RYR2: variants seen among roughly 807,000 people sequenced by gnomAD.
The protein encoded by RYR2 is ryanodine receptor 2, also known as cardiac muscle ryanodine receptor-calcium release channel.
In RYR2, 227 loss-of-function variants were observed where a neutral mutation model predicts 601.1. That is an observed-to-expected ratio of 0.38 (90% CI 0.34 to 0.42). The LOEUF (loss-of-function observed/expected upper bound fraction) is 0.42. Ranked by LOEUF, RYR2 falls within the 10% of genes least tolerant of loss-of-function variation. The probability of loss-of-function intolerance (pLI) is 1.00; values close to 1 mark genes in which losing one functional copy is unlikely to be tolerated. For synonymous variants in RYR2, 2,223 were observed against 2,175.1 expected, an observed-to-expected ratio of 1.02 and a Z score of -0.61; for missense variants, 4,646 against 6,156.5, an observed-to-expected ratio of 0.75 and a Z score of 8.21.
chr1:237,082,597 G>A (rs1665863331), intron 1 of RYR2, among the ~76,000 whole-genome samples: 2 of 136,176 alleles, frequency 1.5e-5, no homozygotes, highest in Admixed American at 1.6e-4. Context: ...GCCTCTTATA[G>A]CCGCCCCTCC....
At chr1:237,515,479 GA>G (rs1666325523) in intron 24 of RYR2, among the ~76,000 whole-genome samples, 1 of 152,110 alleles carries the variant, frequency 6.6e-6, no homozygotes, top group African/African-American at 2.4e-5. Context: ...AGGATGGGAG[GA>G]ATAGTAGGGA....
At chr1:237,427,241 A>T (rs1706265623) in intron 12 of RYR2, among the ~76,000 whole-genome samples, 1 of 152,226 alleles carries the variant, frequency 6.6e-6, no homozygotes, top group Non-Finnish European at 1.5e-5. Flanking sequence ...ACAATGAGGA[A>T]AATGAGACCA....
intron 61 of RYR2, among the ~76,000 whole-genome samples, chr1:237,678,613 T>G (rs1685603918): frequency 6.6e-6 from 1 of 152,206 alleles, no homozygotes; most frequent in Non-Finnish European, 1.5e-5. Flanking sequence ...TATTATTTAT[T>G]TTGTTTCATA....
chr1:237,548,010 T>C (rs1237108443), intron 25 of RYR2, among the ~76,000 whole-genome samples: 4 of 152,208 alleles, frequency 2.6e-5, no homozygotes, highest in African/African-American at 9.7e-5. Context: ...GATACACTGA[T>C]TTATGAAATA....
chr1:237,503,604 A>G (rs1470402124), intron 22 of RYR2, 99 bp downstream of exon 22: 1 of 1,115,302 alleles, frequency 9.0e-7, no homozygotes, highest in Non-Finnish European at 1.3e-6. Context: ...CGAATTTCAC[A>G]GTAATACAGT....
chr1:237,779,942 C>A (rs77932121), intron 88 of RYR2, among the ~76,000 whole-genome samples: 1 of 152,126 alleles, frequency 6.6e-6, no homozygotes, highest in Non-Finnish European at 1.5e-5. Flanking sequence ...TGTGATTAGA[C>A]CAGCTATGTC....
At chr1:237,697,973 A>G (rs61362937) in intron 63 of RYR2, among the ~76,000 whole-genome samples, 3,264 of 152,216 alleles carry the variant, frequency 0.021, 122 homozygotes, top group African/African-American at 0.073. Flanking sequence ...GTTCTAATAC[A>G]ATTATTAATT....
chr1:237,579,743 TC>T (rs1233746722), intron 29 of RYR2, among the ~76,000 whole-genome samples: 1 of 152,182 alleles, frequency 6.6e-6, no homozygotes, highest in Non-Finnish European at 1.5e-5. Context: ...CTAAATGTAT[TC>T]CCTTCTTCAC....
intron 17 of RYR2, among the ~76,000 whole-genome samples, chr1:237,480,703 A>C (rs1661967006): frequency 6.6e-6 from 1 of 152,110 alleles, no homozygotes; most frequent in South Asian, 2.1e-4. Context: ...GTTTTATTTC[A>C]GCTAATTTAC....
At chr1:237,313,318 G>C (rs913008983) in intron 2 of RYR2, among the ~76,000 whole-genome samples, 2 of 152,180 alleles carry the variant, frequency 1.3e-5, no homozygotes, top group Admixed American at 1.3e-4. Context: ...GGGACTTGGT[G>C]ATTAAGTTAA....
intron 1 of RYR2, among the ~76,000 whole-genome samples, chr1:237,104,820 A>T (rs1027180551): frequency 7.9e-5 from 12 of 152,206 alleles, no homozygotes; most frequent in Non-Finnish European, 2.9e-5. Flanking sequence ...TTGCAAGCAC[A>T]GTGCCTGTGC....
intron 20 of RYR2, among the ~76,000 whole-genome samples, 174 bp downstream of exon 20, chr1:237,496,926 A>C (rs1442264396): frequency 6.6e-6 from 1 of 152,180 alleles, no homozygotes; most frequent in Admixed American, 6.5e-5. Context: ...TCACTAGGGG[A>C]AAAAGAAAAT....
chr1:237,596,876 G>C (rs1231565818), intron 34 of RYR2, among the ~76,000 whole-genome samples: 2 of 152,166 alleles, frequency 1.3e-5, no homozygotes, highest in African/African-American at 4.8e-5. Flanking sequence ...AAGAACAACT[G>C]TCAGCCAAGA....
intron 6 of RYR2, among the ~76,000 whole-genome samples, chr1:237,373,972 A>G (rs1700835266): frequency 6.6e-6 from 1 of 152,232 alleles, no homozygotes; most frequent in South Asian, 2.1e-4. Flanking sequence ...ACATGAAGTG[A>G]GAGATGTACA....
intron 103 of RYR2, among the ~76,000 whole-genome samples, chr1:237,831,200 C>T (rs986628778): frequency 6.6e-6 from 1 of 152,160 alleles, no homozygotes; most frequent in Admixed American, 6.6e-5. Context: ...TAACTATACT[C>T]AGTGGAACTT....
intron 1 of RYR2, among the ~76,000 whole-genome samples, chr1:237,071,949 G>A (rs905784588): frequency 5.3e-5 from 8 of 152,228 alleles, no homozygotes; most frequent in Admixed American, 2.0e-4. Context: ...TCGCGATAGC[G>A]CCCGGGCTCG....
chr1:237,543,748 A>G (rs918411131), intron 25 of RYR2, among the ~76,000 whole-genome samples: 5 of 152,172 alleles, frequency 3.3e-5, no homozygotes, highest in Admixed American at 2.6e-4. Flanking sequence ...TGTTTTTGGT[A>G]TTCTGCCTTG....
Position 237,556,826 on chromosome 1 carries a change from G to A in RYR2, c.3214+6135G>A, listed in dbSNP as rs545333995. Reference sequence around the variant, plus strand: ...GTGATATGAGGGAAATCTTTAAAGAGGAGGTATATTAGTTATCTATTCCTG... The same window carrying A: ...GTGATATGAGGGAAATCTTTAAAGAAGAGGTATATTAGTTATCTATTCCTG... On this transcript the variant is annotated intron_variant, in intron 27 of 104. Coordinates refer to ENST00000366574, the MANE Select transcript of RYR2 (RefSeq NM_001035.3). Among the ~76,000 whole-genome samples, 26 of 143,480 alleles carry A rather than the reference G, an allele frequency of 1.8e-4. No homozygotes were observed. The South Asian group carries it at 5.4e-3, about 30-fold the overall frequency. The allele number at this position is 143,480 out of a possible 152,430, so 94.1% of individuals were successfully genotyped here.
intron 62 of RYR2, 49 bp downstream of exon 62, chr1:237,680,626 C>T (rs753232908): frequency 1.6e-5 from 23 of 1,483,152 alleles, no homozygotes; most frequent in South Asian, 6.4e-5. Context: ...GGTGTATATG[C>T]AGTTGCAAAG....
Sources: allele counts gnomAD v4.1 joint callset (sites outside exome capture counted in the v4.1 genomes callset), GRCh38; gene constraint gnomAD v4.1.1; transcripts MANE v1.5; gene names NCBI Gene and HGNC (gene_info 2026-07-23, HGNC 2026-07-21).